Variants in PTPRB observed in about 807,000 individuals in gnomAD.
PTPRB encodes receptor-type tyrosine-protein phosphatase beta.
A neutral mutation model predicts 238.1 loss-of-function variants in PTPRB; 97 were observed. The ratio of observed to expected loss-of-function variants is 0.41; its 90% CI spans 0.35 to 0.48. The LOEUF (loss-of-function observed/expected upper bound fraction) is 0.48. PTPRB is among the 20% of genes least tolerant of loss of function. The probability of loss-of-function intolerance (pLI) is 0.30; values close to 1 mark genes in which losing one functional copy is unlikely to be tolerated. For synonymous variants in PTPRB, 970 were observed against 995.4 expected, an observed-to-expected ratio of 0.97 and a Z score of 0.48; for missense variants, 2,292 against 2,681.9, an observed-to-expected ratio of 0.85 and a Z score of 3.21.
chr12:70,529,935 C>T (rs937738148), intron 32 of PTPRB, among the ~76,000 whole-genome samples: 1 of 151,902 alleles, frequency 6.6e-6, no homozygotes, highest in Non-Finnish European at 1.5e-5. Context: ...CACCAGCTGA[C>T]AAAATCCATG....
chr12:70,518,180 C>T lies in PTPRB; in HGVS notation c.*3309G>A, dbSNP rs2136184117. On this transcript the variant is annotated 3_prime_UTR_variant, in exon 34 of 34. Transcript: ENST00000334414. ...AGGTGCGGTGGCTCACTCTTGTAAT[C>T]CTAGCACTTTGGGAGGTTGAGGTGG... The T allele has an allele frequency of 6.6e-6, 1 of 152,250 alleles. No homozygotes were observed. The highest frequency in any genetic ancestry group is 1.5e-5 in the Non-Finnish European group (1 of 68,038). The allele number at this position is 152,250 out of a possible 1,614,324, so 9.4% of individuals were successfully genotyped here.
chr12:70,609,413 T>G, intron 3 of PTPRB, 74 bp from the exon 4 acceptor site: 2 of 1,521,018 alleles, frequency 1.3e-6, no homozygotes, highest in Non-Finnish European at 1.8e-6. Context: ...AGCAAGCTCC[T>G]CAAGCCACAC....
In PTPRB at chr12:70,540,014, C is replaced by T. The variant is rs775894553; in HGVS notation, c.5603G>A (p.Arg1868Gln). Residue 1868 changes from arginine to glutamine, a missense_variant, in exon 24 of 34, where the codon CGA (arginine) becomes CAA (glutamine). Coordinates refer to ENST00000334414, the MANE Select transcript of PTPRB (RefSeq NM_001109754.4). Reference sequence around the variant, plus strand: ...GCTCAGACGGGCAGAGGGTCTTTCTCGACCATGGCTGAAACATAAGGGAGA... The same window carrying T: ...GCTCAGACGGGCAGAGGGTCTTTCTTGACCATGGCTGAAACATAAGGGAGA... ...LICRQKVSHG[R>Q]ERPSARLSIR... 48 of 1,606,092 alleles carry T rather than the reference C, an allele frequency of 3.0e-5. No individual in the cohort carries two copies. Among genetic ancestry groups the T allele is most frequent in the Non-Finnish European group, 3.5e-5 (41 of 1,173,032 alleles).
Position 70,536,039 on chromosome 12 carries a change from C to T in PTPRB, c.6067G>A (p.Val2023Ile), listed in dbSNP as rs1203078660. The change falls in exon 29 of 34, where the codon GTT becomes ATT. Residue 2023 changes from valine to isoleucine, a missense_variant. Val to Ile is a conservative substitution (Grantham distance 29). This residue lies in a region of PTPRB where 397 missense variants were observed against 502.0 expected (regional missense o/e 0.79). Coordinates refer to ENST00000334414, the MANE Select transcript of PTPRB (RefSeq NM_001109754.4). The stretch of plus-strand genomic sequence containing the variant: ...TGTTTACTCACTCGGCCCTTCTCAA[C>T]ACACTGGGTCACCATGACGATGTTG... ...VHNIVMVTQC[V>I]EKGRVKCDHY... The T allele has an allele frequency of 1.2e-6, 2 of 1,613,550 alleles. No individual in the cohort carries two copies. The highest frequency in any genetic ancestry group is 1.7e-6 in the Non-Finnish European group (2 of 1,179,720).
intron 21 of PTPRB, among the ~76,000 whole-genome samples, chr12:70,548,759 T>C (rs2567139): frequency 6.6e-6 from 1 of 152,212 alleles, no homozygotes; most frequent in African/African-American, 2.4e-5. Context: ...TCTCTCGTCC[T>C]ATCATCCCAG....
intron 33 of PTPRB, among the ~76,000 whole-genome samples, chr12:70,522,270 C>G (rs1226456992): frequency 6.6e-6 from 1 of 152,086 alleles, no homozygotes; most frequent in Non-Finnish European, 1.5e-5. Flanking sequence ...AGAGAGATAC[C>G]AGTCCACATG....
At position 70,566,447 on chromosome 12, in the gene PTPRB, C is replaced by T; in HGVS notation, c.3892G>A (p.Glu1298Lys). 6.2e-7 allele frequency: 1 copy of T among 1,613,706 alleles called. No homozygotes were observed. The highest frequency in any genetic ancestry group is 8.5e-7 in the Non-Finnish European group (1 of 1,179,784). Residue 1298 changes from glutamate to lysine, a missense_variant, in exon 15 of 34, where the codon GAA becomes AAA. By Grantham distance (56) the Glu-to-Lys change is moderately conservative. Transcript: ENST00000334414. ...CTGTGCTAATTACCTGTTCGGCCTT[C>T]AGTCTGGGCTTCCTTGCTAAAGAGG... ...GGLFSKEAQT[E>K]GRTVPAAVTD...
chr12:70,536,273 GAA>G, intron 28 of PTPRB, 114 bp from the exon 29 acceptor site: 1 of 1,230,852 alleles, frequency 8.1e-7, no homozygotes, highest in African/African-American at 1.5e-5. Flanking sequence ...TCTGACTTCA[GAA>G]AAAGATACTA....
Position 70,565,442 on chromosome 12 carries a change from T to C in PTPRB, c.3904+993A>G, listed in dbSNP as rs75035350. On this transcript the variant is annotated intron_variant, in intron 15 of 33. Coordinates refer to ENST00000334414, the MANE Select transcript of PTPRB (RefSeq NM_001109754.4). ...TGTCTGTACAAAGTATTCTACCTTC[T>C]CTCCATAAGGAGAATTTCTTCATCC... 1.1e-4 allele frequency among the ~76,000 whole-genome samples: 16 copies of C among 152,264 alleles called. No individual in the cohort carries two copies. In the East Asian group the frequency reaches 3.1e-3, roughly 29 times the overall value.
intron 21 of PTPRB, among the ~76,000 whole-genome samples, chr12:70,548,245 T>C (rs1259963857): frequency 1.3e-5 from 2 of 151,888 alleles, no homozygotes; most frequent in Admixed American, 6.6e-5. Context: ...TGAGAATTGC[T>C]TGAATCTAAA....
In PTPRB at chr12:70,537,211, C is replaced by T. The variant is rs561971142; in HGVS notation, c.5946+944G>A. Among the ~76,000 whole-genome samples the T allele has an allele frequency of 1.4e-4, 21 of 146,598 alleles. No homozygotes were observed. The East Asian group carries it at 3.3e-3, about 23-fold the overall frequency. ...CTGAGGCAGGAGAATGGCGTGAACC[C>T]GGGAGGCGGAGCTTGCAGTGAGCAG... On this transcript the variant is annotated intron_variant, in intron 28 of 33. Coordinates refer to ENST00000334414, the MANE Select transcript of PTPRB (RefSeq NM_001109754.4).
chr12:70,587,774 G>C (rs932677847), intron 8 of PTPRB, among the ~76,000 whole-genome samples: 1 of 152,022 alleles, frequency 6.6e-6, no homozygotes, highest in Non-Finnish European at 1.5e-5. Flanking sequence ...TCCTTTAAAA[G>C]GTTTTATTGT....
Position 70,523,811 on chromosome 12 carries a change from CTTCTT to C in PTPRB, c.6625+655_6625+659del, listed in dbSNP as rs776652000. ...CTTTTCTTCTCCCCTCCCCTCTCCT[CTTCTT>C]TTCTTTTCTTTTTTTTGAGACAGAG... is the stretch of plus-strand genomic sequence containing the variant. On this transcript the variant is annotated intron_variant, in intron 33 of 33. Coordinates refer to ENST00000334414, the MANE Select transcript of PTPRB (RefSeq NM_001109754.4). Among the ~76,000 whole-genome samples, 76 of 152,040 alleles carry C rather than the reference CTTCTT, an allele frequency of 5.0e-4. 1 individual carries two copies. The Middle Eastern group carries it at 0.02, about 41-fold the overall frequency.
At chr12:70,592,875 T>C (rs1279006531) in intron 6 of PTPRB, among the ~76,000 whole-genome samples, 1 of 152,216 alleles carries the variant, frequency 6.6e-6, no homozygotes, top group African/African-American at 2.4e-5. Flanking sequence ...TCTAGTTCAC[T>C]GAGCCTTATG....
At chr12:70,635,645 GA>G in intron 2 of PTPRB, 25 bp downstream of exon 2, 2 of 1,594,476 alleles carry the variant, frequency 1.3e-6, no homozygotes, top group Non-Finnish European at 1.7e-6. Flanking sequence ...AGACTTTCAG[GA>G]TTTGCTCTGA....
At chr12:70,623,731 C>A (rs1298543347) in intron 2 of PTPRB, among the ~76,000 whole-genome samples, 1 of 152,082 alleles carries the variant, frequency 6.6e-6, no homozygotes, top group African/African-American at 2.4e-5. Context: ...TTATTTTTAA[C>A]TACTCATTTA....
Position 70,520,297 on chromosome 12 carries a change from C to G in PTPRB, c.*1192G>C. On this transcript the variant is annotated 3_prime_UTR_variant, in exon 34 of 34. Transcript: ENST00000334414. ...GTAAGGCACAAATATTGAAGATAAA[C>G]TTGGTACAGTATGTAGTGCCTTTTG... 2.2e-6 allele frequency: 1 copy of G among 445,866 alleles called. No individual in the cohort carries two copies. The highest frequency in any genetic ancestry group is 4.5e-6 in the Non-Finnish European group (1 of 223,016). 27.6% of individuals were successfully genotyped at this position (445,866 alleles called of 1,614,324 possible).
intron 3 of PTPRB, among the ~76,000 whole-genome samples, chr12:70,618,776 A>C (rs1297382317): frequency 6.6e-6 from 1 of 152,256 alleles, no homozygotes; most frequent in East Asian, 1.9e-4. Flanking sequence ...GACAATAACA[A>C]CAATGGCAGC....
intron 16 of PTPRB, among the ~76,000 whole-genome samples, chr12:70,561,501 CTG>C (rs1177864901): frequency 1.3e-5 from 2 of 152,188 alleles, no homozygotes; most frequent in Admixed American, 1.3e-4. Flanking sequence ...AGAATGAAGA[CTG>C]TTGCCACATT....
Sources: allele counts gnomAD v4.1 joint callset (sites outside exome capture counted in the v4.1 genomes callset), GRCh38; gene constraint gnomAD v4.1.1; regional missense constraint gnomAD v4.1.1; transcripts MANE v1.5; gene names NCBI Gene and HGNC (gene_info 2026-07-23, HGNC 2026-07-21).